PTPRG: variants seen among roughly 807,000 people sequenced by gnomAD.
PTPRG encodes receptor-type tyrosine-protein phosphatase gamma.
PTPRG carries 102 observed loss-of-function variants against 165.3 expected under a neutral mutation model. That is an observed-to-expected ratio of 0.62 (90% CI 0.53 to 0.73). The LOEUF (loss-of-function observed/expected upper bound fraction) is 0.73, where lower values mean the gene tolerates loss of function less well. Ranked by LOEUF, PTPRG falls within the 30% of genes least tolerant of loss-of-function variation. PTPRG has a pLI of 0.00. For missense variants in PTPRG, 1,866 were observed against 1,861.4 expected, an observed-to-expected ratio of 1.00 and a Z score of -0.05; for synonymous variants, 675 against 669.5, an observed-to-expected ratio of 1.01 and a Z score of -0.13.
chr3:61,890,447 G>T (rs1284070811), intron 2 of PTPRG, among the ~76,000 whole-genome samples: 9 of 138,038 alleles, frequency 6.5e-5, no homozygotes, highest in African/African-American at 2.3e-4. Flanking sequence ...TTAGGGTCAG[G>T]TTTTTTCAAT....
intron 2 of PTPRG, among the ~76,000 whole-genome samples, chr3:61,841,712 AAG>A (rs1421087604): frequency 3.3e-5 from 5 of 152,210 alleles, no homozygotes; most frequent in Admixed American, 1.3e-4. Context: ...GTAAGAGAAA[AAG>A]AGAGTACTAC....
intron 7 of PTPRG, among the ~76,000 whole-genome samples, chr3:62,159,560 T>A (rs1416136992): frequency 6.6e-6 from 1 of 152,154 alleles, no homozygotes; most frequent in Non-Finnish European, 1.5e-5. Context: ...TGATCACCAT[T>A]TTTGTAACTG....
At chr3:61,677,649 G>C (rs558906394) in intron 1 of PTPRG, among the ~76,000 whole-genome samples, 2 of 152,254 alleles carry the variant, frequency 1.3e-5, no homozygotes, top group South Asian at 4.1e-4. Context: ...TTTTCTCTCT[G>C]TGCTGCAATA....
intron 2 of PTPRG, among the ~76,000 whole-genome samples, chr3:61,811,112 G>A (rs1278637744): frequency 1.3e-5 from 2 of 152,084 alleles, no homozygotes; most frequent in Admixed American, 6.5e-5. Context: ...TCCCAATTAG[G>A]CCTGCTGTGG....
intron 2 of PTPRG, among the ~76,000 whole-genome samples, chr3:61,829,328 A>G (rs1459463878): frequency 6.6e-6 from 1 of 152,248 alleles, no homozygotes; most frequent in Non-Finnish European, 1.5e-5. Flanking sequence ...ACCGTTATTT[A>G]TCACAAACGT....
intron 3 of PTPRG, among the ~76,000 whole-genome samples, chr3:61,999,138 T>C (rs112871524): frequency 0.097 from 14,715 of 152,058 alleles, 1,206 homozygotes; most frequent in African/African-American, 0.21. Context: ...CTCCGCCTCC[T>C]GGGTTCAAGT....
chr3:62,062,621 T>C (rs1700854477), intron 4 of PTPRG, among the ~76,000 whole-genome samples: 1 of 152,200 alleles, frequency 6.6e-6, no homozygotes, highest in Non-Finnish European at 1.5e-5. Context: ...ATTACAATTA[T>C]ACTAATGATG....
intron 1 of PTPRG, among the ~76,000 whole-genome samples, chr3:61,578,492 C>T (rs570065197): frequency 6.6e-6 from 1 of 152,340 alleles, no homozygotes; most frequent in East Asian, 1.9e-4. Context: ...GTGGTCTCTG[C>T]ATCTGAGTAG....
chr3:61,671,341 C>T lies in PTPRG; in HGVS notation c.86-77537C>T, dbSNP rs183819810. Among the ~76,000 whole-genome samples the T allele has an allele frequency of 6.9e-3, 1,046 of 151,748 alleles. 6 individuals are homozygous for T. Among genetic ancestry groups the T allele is most frequent in the Admixed American group, 0.014 (220 of 15,232 alleles). The stretch of plus-strand genomic sequence containing the variant: ...TTGAGACTAGGGAGTGGTGATGACT[C>T]GTAAGGAGCATGCTGCCTTCAAGCA... On this transcript the variant is annotated intron_variant, in intron 1 of 29. Coordinates refer to ENST00000474889, the MANE Select transcript of PTPRG (RefSeq NM_002841.4).
At chr3:62,289,524 C>A (rs1199757637) in intron 28 of PTPRG, among the ~76,000 whole-genome samples, 2 of 151,818 alleles carry the variant, frequency 1.3e-5, no homozygotes, top group Non-Finnish European at 2.9e-5. Flanking sequence ...CTAATAAAAC[C>A]CAGTATATTA....
At chr3:61,710,870 C>T (rs1476791985) in intron 1 of PTPRG, among the ~76,000 whole-genome samples, 10 of 152,020 alleles carry the variant, frequency 6.6e-5, no homozygotes, top group African/African-American at 2.4e-4. Context: ...TTGCTGCACC[C>T]ATCAACCCAT....
rs1213216923 is a variant in PTPRG at position 61,838,758 on chromosome 3, G to A, written c.190+89776G>A. Among the ~76,000 whole-genome samples, 8 of 152,136 alleles carry A rather than the reference G, an allele frequency of 5.3e-5. 1 individual carries two copies. Among genetic ancestry groups the A allele is most frequent in the Admixed American group, 5.2e-4 (8 of 15,268 alleles). On this transcript the variant is annotated intron_variant, in intron 2 of 29. Transcript: ENST00000474889. Reference sequence around the variant, plus strand: ...TGGGTATTCTTACCACTCTCCCTGAGCTTTTTCTTCTTCATTTGCTTTCTC... The same window carrying A: ...TGGGTATTCTTACCACTCTCCCTGAACTTTTTCTTCTTCATTTGCTTTCTC...
chr3:62,164,195 CTT>C (rs1255715780), intron 7 of PTPRG, among the ~76,000 whole-genome samples: 18 of 152,284 alleles, frequency 1.2e-4, no homozygotes, highest in African/African-American at 4.1e-4. Flanking sequence ...CTAGGGGACA[CTT>C]TCTCATGGTG....
rs1700151223 is a variant in PTPRG, at chr3:62,203,686, A to G, written c.1891A>G (p.Asn631Asp). Reference protein sequence around the residue: ...TEPSPTPSSPNRTAEGGHQTI... With the variant: ...TEPSPTPSSPDRTAEGGHQTI... ...GCCCAGCCCCACACCCTCGTCTCCT[A>G]ACAGGACTGCCGAGGGAGGGCATCA... The change falls in exon 12 of 30, where the codon AAC becomes GAC. Residue 631 changes from asparagine to aspartate, a missense_variant. Physicochemically the swap from Asn to Asp is conservative, Grantham distance 23 (BLOSUM62 1). Coordinates refer to ENST00000474889, the MANE Select transcript of PTPRG (RefSeq NM_002841.4). The surrounding 1 kb of genome is among the most constrained non-coding windows in gnomAD (Gnocchi z 6.4). 6 of 1,570,938 alleles carry G rather than the reference A, an allele frequency of 3.8e-6. No homozygotes were observed. The highest frequency in any genetic ancestry group is 5.2e-6 in the Non-Finnish European group (6 of 1,157,562).
At chr3:62,112,820 G>A (rs1320530808) in intron 5 of PTPRG, among the ~76,000 whole-genome samples, 1 of 152,168 alleles carries the variant, frequency 6.6e-6, no homozygotes, top group Non-Finnish European at 1.5e-5. Flanking sequence ...CTGAAGGAAT[G>A]GGAAAGAAAA....
At chr3:61,713,162 ATGTTTT>A (rs1327703464) in intron 1 of PTPRG, among the ~76,000 whole-genome samples, 1 of 144,018 alleles carries the variant, frequency 6.9e-6, no homozygotes, top group African/African-American at 2.5e-5. Context: ...AACATCAAAT[ATGTTTT>A]TTTTTTTTTT....
intron 2 of PTPRG, among the ~76,000 whole-genome samples, chr3:61,841,926 G>A (rs902734679): frequency 1.3e-5 from 2 of 152,192 alleles, no homozygotes; most frequent in African/African-American, 4.8e-5. Context: ...GTGGAAGGGT[G>A]GAACAAGAGA....
chr3:62,242,062 G>A (rs924171078), intron 14 of PTPRG, among the ~76,000 whole-genome samples: 1 of 152,170 alleles, frequency 6.6e-6, no homozygotes, highest in Non-Finnish European at 1.5e-5. Flanking sequence ...TCCAAGAGTA[G>A]AAAACTTAAT....
At chr3:61,865,617 G>T (rs1344649546) in intron 2 of PTPRG, among the ~76,000 whole-genome samples, 2 of 152,080 alleles carry the variant, frequency 1.3e-5, no homozygotes, top group Non-Finnish European at 2.9e-5. Context: ...TTCTTTCTTG[G>T]CCTTGGTCTC....
Sources: gnomAD v4.1 joint callset for allele counts (sites outside exome capture counted in the v4.1 genomes callset) on GRCh38, gnomAD v4.1.1 for gene constraint, Gnocchi (gnomAD v3.1) non-coding constraint, MANE v1.5 for transcripts, NCBI Gene and HGNC (gene_info 2026-07-23, HGNC 2026-07-21) for gene names.